SNTB2: variants seen among roughly 807,000 people sequenced by gnomAD.
The protein encoded by SNTB2 is syntrophin beta 2.
Under a neutral mutation model 46.2 loss-of-function variants are expected in SNTB2, and 34 were observed. The ratio of observed to expected loss-of-function variants is 0.74; its 90% CI spans 0.56 to 0.98. SNTB2 has a LOEUF of 0.98. Among genes scored for constraint, SNTB2 ranks in the 50% least tolerant of loss-of-function variants. The pLI, the probability that SNTB2 is intolerant of heterozygous loss-of-function variation, is 0.00. For synonymous variants in SNTB2, 290 were observed against 312.6 expected (o/e 0.93, Z 0.76); for missense variants, 603 against 731.4 (o/e 0.82, Z 2.02).
intron 1 of SNTB2, among the ~76,000 whole-genome samples, chr16:69,188,439 G>A (rs952112084): frequency 1.1e-4 from 17 of 152,142 alleles, no homozygotes; most frequent in African/African-American, 3.6e-4. Context: ...AAGACTCTTG[G>A]GGTTTTTGTA....
chr16:69,191,557 CAA>C (rs1204153764), intron 1 of SNTB2, among the ~76,000 whole-genome samples: 48 of 60,292 alleles, frequency 8.0e-4, no homozygotes, highest in Non-Finnish European at 1.1e-3. Flanking sequence ...GATCCTGTCT[CAA>C]AAAAAAAAAA....
chr16:69,281,588 C>T (rs144668098), intron 4 of SNTB2, among the ~76,000 whole-genome samples: 3,196 of 150,818 alleles, frequency 0.021, 115 homozygotes, highest in African/African-American at 0.073. Flanking sequence ...CGGTGGCTCA[C>T]GCCTGTAATC....
intron 3 of SNTB2, among the ~76,000 whole-genome samples, chr16:69,262,134 C>T (rs753833534): frequency 6.6e-6 from 1 of 152,118 alleles, no homozygotes; most frequent in Non-Finnish European, 1.5e-5. Flanking sequence ...TCCTTTGGCT[C>T]GTATGTCCAG....
At chr16:69,300,571 A>G (rs1965269389) in intron 6 of SNTB2, among the ~76,000 whole-genome samples, 1 of 152,144 alleles carries the variant, frequency 6.6e-6, no homozygotes, top group Admixed American at 6.5e-5. Context: ...ATCCTCTACT[A>G]TTTAGTTCTT....
chr16:69,229,094 C>T (rs929684880), intron 1 of SNTB2, among the ~76,000 whole-genome samples: 5 of 152,156 alleles, frequency 3.3e-5, no homozygotes, highest in Admixed American at 6.5e-5. Context: ...AAGAGTGACT[C>T]CCCCGACGTT....
At chr16:69,266,531 A>C (rs1964886502) in intron 3 of SNTB2, among the ~76,000 whole-genome samples, 1 of 152,176 alleles carries the variant, frequency 6.6e-6, no homozygotes, top group South Asian at 2.1e-4. Context: ...ACTTTGAGAA[A>C]CGTGTTAAAC....
At chr16:69,233,568 A>G (rs140419783) in intron 1 of SNTB2, among the ~76,000 whole-genome samples, 4 of 152,262 alleles carry the variant, frequency 2.6e-5, no homozygotes, top group East Asian at 3.9e-4. Context: ...CATAAAAATG[A>G]TACAGATTTT....
At chr16:69,285,617 C>T (rs28528340) in intron 5 of SNTB2, among the ~76,000 whole-genome samples, 4,163 of 150,302 alleles carry the variant, frequency 0.028, 201 homozygotes, top group African/African-American at 0.095. Flanking sequence ...GTAGCTGGGA[C>T]TACAGGTGCC....
intron 1 of SNTB2, among the ~76,000 whole-genome samples, chr16:69,193,318 CTTTTTTTTTTTTT>C (rs57663863): frequency 1.4e-5 from 1 of 70,194 alleles, no homozygotes. Flanking sequence ...ATGGTATAGA[CTTTTTTTTTTTTT>C]TTTTTTTTTT....
At chr16:69,250,185 G>T (rs138270956) in intron 2 of SNTB2, among the ~76,000 whole-genome samples, 2 of 152,134 alleles carry the variant, frequency 1.3e-5, no homozygotes, top group Admixed American at 6.6e-5. Flanking sequence ...ACTTATACTC[G>T]CATTTCCATG....
intron 1 of SNTB2, among the ~76,000 whole-genome samples, chr16:69,219,187 A>G (rs1964376424): frequency 1.3e-5 from 2 of 152,214 alleles, no homozygotes; most frequent in African/African-American, 4.8e-5. Context: ...TGGTTCAGGA[A>G]CTTTTCATTG....
intron 1 of SNTB2, among the ~76,000 whole-genome samples, chr16:69,204,172 G>A (rs113952386): frequency 0.05 from 7,547 of 152,222 alleles, 256 homozygotes; most frequent in Non-Finnish European, 0.071. Context: ...GATTACAGGC[G>A]TGAGCTACTG....
At chr16:69,221,592 A>G (rs1258794147) in intron 1 of SNTB2, among the ~76,000 whole-genome samples, 1 of 152,158 alleles carries the variant, frequency 6.6e-6, no homozygotes, top group African/African-American at 2.4e-5. Flanking sequence ...CTTGATCAAC[A>G]TGGCAAAACC....
chr16:69,198,481 A>C (rs1025579568), intron 1 of SNTB2, among the ~76,000 whole-genome samples: 7 of 152,004 alleles, frequency 4.6e-5, no homozygotes, highest in Non-Finnish European at 8.8e-5. Context: ...CTCTTTAAGG[A>C]GTTTGTGTGT....
chr16:69,267,064 T>G (rs1027939483), intron 3 of SNTB2, among the ~76,000 whole-genome samples: 1 of 151,874 alleles, frequency 6.6e-6, no homozygotes, highest in Non-Finnish European at 1.5e-5. Context: ...AGTCTCGCTC[T>G]GTTTCCAGGC....
intron 1 of SNTB2, among the ~76,000 whole-genome samples, chr16:69,214,557 C>T (rs373590546): frequency 5.3e-5 from 8 of 152,052 alleles, no homozygotes; most frequent in Non-Finnish European, 7.4e-5. Context: ...GGCAGAGTCT[C>T]GCTCTGTCGC....
chr16:69,257,696 C>A (rs149659059), intron 2 of SNTB2, among the ~76,000 whole-genome samples: 7,611 of 152,218 alleles, frequency 0.05, 263 homozygotes, highest in Non-Finnish European at 0.071. Flanking sequence ...CCACCTGCCT[C>A]GGCCTCCCAA....
At chr16:69,260,376 C>T in intron 3 of SNTB2, 116 bp downstream of exon 3, 1 of 914,994 alleles carries the variant, frequency 1.1e-6, no homozygotes, top group Non-Finnish European at 1.7e-6. Flanking sequence ...ATCTAGCTTG[C>T]AGATCTTTTG....
At chr16:69,216,721 A>G (rs1480841737) in intron 1 of SNTB2, among the ~76,000 whole-genome samples, 1 of 152,042 alleles carries the variant, frequency 6.6e-6, no homozygotes, top group Admixed American at 6.6e-5. Flanking sequence ...ATGGAATTAA[A>G]CCACTTACAT....
Sources: gnomAD v4.1 joint callset for allele counts (sites outside exome capture counted in the v4.1 genomes callset) on GRCh38, gnomAD v4.1.1 for gene constraint, MANE v1.5 for transcripts, NCBI Gene and HGNC (gene_info 2026-07-23, HGNC 2026-07-21) for gene names.